CYSLTR1: variants seen among roughly 807,000 people sequenced by gnomAD.
The protein encoded by CYSLTR1 is G-protein coupled receptor HG55.
A neutral mutation model predicts 2.1 loss-of-function variants in CYSLTR1; 1 was observed. The observed-to-expected ratio is 0.48, with a 90% CI of 0.17 to 2.28. The LOEUF is 2.28. CYSLTR1 is among the 30% of genes most tolerant of loss of function. The pLI, the probability that CYSLTR1 is intolerant of heterozygous loss-of-function variation, is 0.26. For missense variants in CYSLTR1, 299 were observed against 250.1 expected, an observed-to-expected ratio of 1.20 and a Z score of -1.32; for synonymous variants, 110 against 89.6, an observed-to-expected ratio of 1.23 and a Z score of -1.28.
chrX:78,321,520 A>G (rs1287223433), intron 1 of CYSLTR1: 1 of 110,270 alleles, frequency 9.1e-6, no homozygotes, highest in African/African-American at 3.3e-5. Context: ...GAGAAACACC[A>G]TCTCTCCTAA....
intron 1 of CYSLTR1, among the ~76,000 whole-genome samples, chrX:78,322,951 T>C (rs1923722029): frequency 8.9e-6 from 1 of 111,732 alleles, no homozygotes; most frequent in South Asian, 3.7e-4. Flanking sequence ...CATTCAGAAC[T>C]AATGACAGTG....
At chrX:78,303,441 T>C (rs1004462805) in intron 1 of CYSLTR1, among the ~76,000 whole-genome samples, 1 of 109,756 alleles carries the variant, frequency 9.1e-6, no homozygotes, top group Non-Finnish European at 1.9e-5. Flanking sequence ...TAGATAGTTG[T>C]TAAATTGGTG....
intron 1 of CYSLTR1, among the ~76,000 whole-genome samples, chrX:78,285,162 G>C: frequency 9.0e-6 from 1 of 111,470 alleles, no homozygotes; most frequent in East Asian, 2.8e-4. Flanking sequence ...GCTGGGTGCG[G>C]TGGCTCACGC....
At chrX:78,301,056 C>T (rs907147223) in intron 1 of CYSLTR1, among the ~76,000 whole-genome samples, 1 of 112,556 alleles carries the variant, frequency 8.9e-6, no homozygotes, top group African/African-American at 3.2e-5. Context: ...TTAGCCATGG[C>T]TAGAGTGGCT....
chrX:78,273,576 G>A lies in CYSLTR1; in HGVS notation c.171C>T (p.Ala57=). The A allele has an allele frequency of 8.3e-7, 1 of 1,211,607 alleles. No individual in the cohort carries two copies. The stretch of plus-strand genomic sequence containing the variant: ...CTAAATTAATCATGTATACTTGGAA[G>A]GCTGACTTCTTGTGATAGGTTTTTA... ...VLIKTYHKKS[A]FQVYMINLAV... is the part of the protein sequence containing the mutation. The change falls in exon 3 of 3, where the codon GCC becomes GCT. Residue 57 remains alanine (A), a synonymous_variant. Transcript: ENST00000373304.
chrX:78,281,541 G>A (rs1241529745), intron 2 of CYSLTR1, among the ~76,000 whole-genome samples: 1 of 111,148 alleles, frequency 9.0e-6, no homozygotes, highest in Admixed American at 9.6e-5. Context: ...CCAAAGTGCT[G>A]GGATTACAGG....
intron 2 of CYSLTR1, among the ~76,000 whole-genome samples, chrX:78,280,325 G>C: frequency 9.0e-6 from 1 of 111,156 alleles, no homozygotes; most frequent in Non-Finnish European, 1.9e-5. Flanking sequence ...ATATTATCTT[G>C]TAATGCACTA....
intron 1 of CYSLTR1, among the ~76,000 whole-genome samples, chrX:78,307,523 C>T (rs1387086366): frequency 9.0e-6 from 1 of 111,509 alleles, no homozygotes; most frequent in Non-Finnish European, 1.9e-5. Flanking sequence ...AATAGTAGGC[C>T]CAGGATAATC....
intron 1 of CYSLTR1, among the ~76,000 whole-genome samples, chrX:78,292,591 G>A (rs186466574): frequency 2.4e-4 from 27 of 111,340 alleles, no homozygotes; most frequent in Admixed American, 2.2e-3. Flanking sequence ...CATTATTATT[G>A]TGTGGCAGTC....
chrX:78,326,809 G>A (rs1470102236), intron 1 of CYSLTR1, among the ~76,000 whole-genome samples: 2 of 112,022 alleles, frequency 1.8e-5, no homozygotes, highest in Non-Finnish European at 3.8e-5. Context: ...AACATGGACA[G>A]TAACACCTAC....
chrX:78,297,597 G>T (rs1922627557), intron 1 of CYSLTR1, among the ~76,000 whole-genome samples: 1 of 110,772 alleles, frequency 9.0e-6, no homozygotes, highest in Non-Finnish European at 1.9e-5. Context: ...GTTTCTTTCT[G>T]GTTCAATCTT....
chrX:78,321,894 A>G (rs973971791), intron 1 of CYSLTR1, among the ~76,000 whole-genome samples: 2 of 111,429 alleles, frequency 1.8e-5, no homozygotes, highest in Non-Finnish European at 3.8e-5. Flanking sequence ...TCATGATTCT[A>G]TTAAGTTATA....
At chrX:78,278,620 A>T (rs1921703676) in intron 2 of CYSLTR1, among the ~76,000 whole-genome samples, 1 of 112,402 alleles carries the variant, frequency 8.9e-6, no homozygotes, top group Non-Finnish European at 1.9e-5. Context: ...CACTTCTAAA[A>T]TTCATATGGC....
intron 1 of CYSLTR1, chrX:78,320,877 T>C (rs1267538359): frequency 8.9e-6 from 1 of 111,806 alleles, no homozygotes; most frequent in African/African-American, 3.3e-5. Context: ...GAAGCAATTG[T>C]GAATGGGAGT....
intron 2 of CYSLTR1, among the ~76,000 whole-genome samples, chrX:78,277,677 A>C (rs1921654740): frequency 8.9e-6 from 1 of 111,735 alleles, no homozygotes; most frequent in African/African-American, 3.3e-5. Context: ...CGGACCCCTG[A>C]AAGTATCCAG....
At position 78,273,216 on chromosome X, in the gene CYSLTR1, T is replaced by TG. The variant is rs764778799; in HGVS notation, c.530dup (p.Gln178ThrfsTer6). Reference sequence around the variant, plus strand: ...CATGATTTTTAGTTTGATTGTCTTGTGGGGGCTCAAAGCACTTGGTATTAT... The same window carrying TG: ...CATGATTTTTAGTTTGATTGTCTTGTGGGGGGCTCAAAGCACTTGGTATTAT... On this transcript the variant is annotated frameshift_variant, in exon 3 of 3. Coordinates refer to ENST00000373304, the MANE Select transcript of CYSLTR1 (RefSeq NM_006639.4). LOFTEE classifies it low-confidence loss of function (END_TRUNC). 2 of 1,209,010 alleles carry TG rather than the reference T, an allele frequency of 1.7e-6. No homozygotes were observed. The highest frequency in any genetic ancestry group is 1.1e-6 in the Non-Finnish European group (1 of 894,953).
chrX:78,300,098 C>A (rs1165363932), intron 1 of CYSLTR1, among the ~76,000 whole-genome samples: 1 of 112,258 alleles, frequency 8.9e-6, no homozygotes, highest in Non-Finnish European at 1.9e-5. Context: ...CATTCTTCAA[C>A]ATGTCTATTT....
chrX:78,324,605 A>G (rs990020062), intron 1 of CYSLTR1, among the ~76,000 whole-genome samples: 13 of 111,675 alleles, frequency 1.2e-4, no homozygotes, highest in Non-Finnish European at 2.3e-4. Context: ...TGACCTTGTG[A>G]TCTGCCCACC....
At chrX:78,283,731 G>A (rs1230081668) in intron 1 of CYSLTR1, among the ~76,000 whole-genome samples, 191 bp from the exon 2 acceptor site, 1 of 111,883 alleles carries the variant, frequency 8.9e-6, no homozygotes, top group Non-Finnish European at 1.9e-5. Flanking sequence ...CAGTCCCAGG[G>A]GGAAACTTGG....
Sources: gnomAD v4.1 joint callset for allele counts (sites outside exome capture counted in the v4.1 genomes callset) on GRCh38, gnomAD v4.1.1 for gene constraint, MANE v1.5 for transcripts, NCBI Gene and HGNC (gene_info 2026-07-23, HGNC 2026-07-21) for gene names.